RBM34: variants seen among roughly 807,000 people sequenced by gnomAD.
RBM34 encodes RNA binding motif protein 34, also known as RNA-binding protein 34.
Under a neutral mutation model 44.6 loss-of-function variants are expected in RBM34, and 39 were observed. The observed-to-expected ratio is 0.87, with a 90% CI of 0.68 to 1.14. The LOEUF is 1.14. Ranked by LOEUF, RBM34 falls within the 50% of genes most tolerant of loss-of-function variation. RBM34 has a pLI of 0.00. For synonymous variants in RBM34, 194 were observed against 184.0 expected, an observed-to-expected ratio of 1.05 and a Z score of -0.44; for missense variants, 572 against 517.9, an observed-to-expected ratio of 1.10 and a Z score of -1.01.
rs1307667292 is a variant in RBM34, at chr1:235,160,990, C to G, written c.131G>C (p.Arg44Pro). ...RLGQVASSLF[R>P]GEHHSRGGTG... ...GCCACCTCTGGAATGGTGTTCGCCGCGAAATAAGCTACTGGCGACCTGTCC... is the reference window on the plus strand; with the variant it reads ...GCCACCTCTGGAATGGTGTTCGCCGGGAAATAAGCTACTGGCGACCTGTCC... Residue 44 changes from arginine to proline, a missense_variant, in exon 2 of 11, where the codon CGC (arginine) becomes CCC (proline). Transcript: ENST00000408888. 6.2e-7 allele frequency: 1 copy of G among 1,613,992 alleles called. No individual in the cohort carries two copies. The highest frequency in any genetic ancestry group is 8.5e-7 in the Non-Finnish European group (1 of 1,180,052).
At chr1:235,157,582 T>C (rs2102864868) in intron 3 of RBM34, among the ~76,000 whole-genome samples, 2 of 151,368 alleles carry the variant, frequency 1.3e-5, no homozygotes, top group Middle Eastern at 3.4e-3. Context: ...GAGATCACGG[T>C]GGGCACAAGA....
chr1:235,160,642 G>T lies in RBM34; in HGVS notation c.234C>A (p.Thr78=). The change falls in exon 3 of 11, where the codon ACC becomes ACA. Residue 78 remains threonine, a synonymous_variant. Transcript: ENST00000408888. ...CCTCATTCCGTTTCGTTTTTTTGAT[G>T]GTTTGCTTTTTAAAAGTTTGAAGTT... The part of the protein sequence containing the change: ...QPVYVPVPKQ[T]IKKTKRNEEE... The T allele has an allele frequency of 6.2e-7, 1 of 1,609,752 alleles. No individual in the cohort carries two copies. The highest frequency in any genetic ancestry group is 1.7e-5 in the Admixed American group (1 of 59,044).
At chr1:235,132,747 G>T (rs1474085453) in intron 10 of RBM34, among the ~76,000 whole-genome samples, 2 of 152,136 alleles carry the variant, frequency 1.3e-5, no homozygotes, top group Admixed American at 6.6e-5. Flanking sequence ...GTTCCATTTA[G>T]ATCCAAAATT....
At chr1:235,151,201 T>C (rs1483825117) in intron 5 of RBM34, among the ~76,000 whole-genome samples, 3 of 152,130 alleles carry the variant, frequency 2.0e-5, no homozygotes, top group Non-Finnish European at 4.4e-5. Context: ...TGGCAAACAC[T>C]AGCATGGGTG....
chr1:235,131,812 A>G lies in RBM34; in HGVS notation c.1194T>C (p.Pro398=). 6.2e-7 allele frequency: 1 copy of G among 1,614,132 alleles called. No individual in the cohort carries two copies. The highest frequency in any genetic ancestry group is 1.1e-5 in the South Asian group (1 of 91,084). The part of the protein sequence containing the change: ...NFTSKTAEGH[P]KSLFIGEKAV... Reference sequence around the variant, plus strand: ...CTTTTTCTCCAATAAATAAGCTTTTAGGATGTCCTTCTGCAGTTTTGGAAG... The same window carrying G: ...CTTTTTCTCCAATAAATAAGCTTTTGGGATGTCCTTCTGCAGTTTTGGAAG... Residue 398 remains proline, a synonymous_variant, in exon 11 of 11, where the codon CCT becomes CCC. Coordinates refer to ENST00000408888, the MANE Select transcript of RBM34 (RefSeq NM_015014.4).
At chr1:235,159,847 CAA>C (rs1037169087) in intron 3 of RBM34, among the ~76,000 whole-genome samples, 4 of 121,096 alleles carry the variant, frequency 3.3e-5, no homozygotes, top group African/African-American at 1.3e-4. Context: ...CCAGTCTGGA[CAA>C]AAAGAGCAAA....
At chr1:235,160,795 C>A (rs531795835) in intron 2 of RBM34, 98 bp downstream of exon 2, 4 of 1,531,022 alleles carry the variant, frequency 2.6e-6, no homozygotes, top group Admixed American at 1.9e-5. Flanking sequence ...ATCCTGTCTG[C>A]CCCCTTTAGA....
chr1:235,155,166 G>C lies in RBM34; in HGVS notation c.366-54C>G, dbSNP rs182179816. The stretch of plus-strand genomic sequence containing the variant: ...GTAAGAGTCATGCCAGTTAGGTCTA[G>C]TATTTGACAAAGCACAGCCCTACCC... On this transcript the variant is annotated intron_variant, in intron 3 of 10. Coordinates refer to ENST00000408888, the MANE Select transcript of RBM34 (RefSeq NM_015014.4). 2.1e-4 allele frequency: 304 copies of C among 1,431,016 alleles called. 3 individuals are homozygous for C. The East Asian group carries it at 6.5e-3, about 30-fold the overall frequency. 88.6% of individuals were successfully genotyped at this position (1,431,016 alleles called of 1,614,324 possible).
intron 3 of RBM34, among the ~76,000 whole-genome samples, chr1:235,157,676 A>G (rs1662508708): frequency 6.6e-6 from 1 of 152,234 alleles, no homozygotes; most frequent in Non-Finnish European, 1.5e-5. Context: ...ACATTTAAAG[A>G]GTAGTCAGAG....
At chr1:235,160,869 C>A (rs367587529) in intron 2 of RBM34, 24 bp downstream of exon 2, 3 of 1,610,528 alleles carry the variant, frequency 1.9e-6, no homozygotes, top group Non-Finnish European at 2.5e-6. Context: ...ACGAGCTATT[C>A]GGGAAGAAAG....
chr1:235,131,517 AAAC>A lies in RBM34; in HGVS notation c.*193_*195del, dbSNP rs1661194922. 3.2e-6 allele frequency: 2 copies of A among 619,696 alleles called. No homozygotes were observed. The highest frequency in any genetic ancestry group is 1.9e-5 in the African/African-American group (1 of 53,652). The allele number at this position is 619,696 out of a possible 1,614,324, so 38.4% of individuals were successfully genotyped here. ...CAGCCAAACTCCATCTCAAAAAACA[AAAC>A]AAAAACAAAAAAACCTTCAAAGGTA... On this transcript the variant is annotated 3_prime_UTR_variant, in exon 11 of 11. Transcript: ENST00000408888.
chr1:235,160,907 C>A lies in RBM34; in HGVS notation c.214G>T (p.Val72Leu). ...CAGTGACTTACTTTAGGCACAGGCA[C>A]GTACACGGGTTGAATCTGGGGCTCC... The part of the protein sequence containing the change: ...SLEPQIQPVY[V>L]PVPKQTIKKT... The change falls in exon 2 of 11, where the codon GTG becomes TTG. Residue 72 changes from valine to leucine, a missense_variant. Physicochemically the swap from Val to Leu is conservative, Grantham distance 32 (BLOSUM62 1). Transcript: ENST00000408888. 6.2e-7 allele frequency: 1 copy of A among 1,614,054 alleles called. No individual in the cohort carries two copies. The highest frequency in any genetic ancestry group is 8.5e-7 in the Non-Finnish European group (1 of 1,179,986).
chr1:235,131,854 C>A lies in RBM34; in HGVS notation c.1152G>T (p.Lys384Asn). 1.9e-6 allele frequency: 3 copies of A among 1,614,112 alleles called. No individual in the cohort carries two copies. The highest frequency in any genetic ancestry group is 2.5e-6 in the Non-Finnish European group (3 of 1,180,010). ...TTTTGGAAGTAAAATTAAGTCCCTG[C>A]TTAGGTTTACTGACATTCTTCAATC... ...NPRLKNVSKPKQGLNFTSKTA... is the reference protein window; with the variant it reads ...NPRLKNVSKPNQGLNFTSKTA... The change falls in exon 11 of 11, where the codon AAG becomes AAT. Residue 384 changes from lysine (K) to asparagine (N), a missense_variant. Lys to Asn is a moderately conservative substitution (Grantham distance 94). Transcript: ENST00000408888.
At chr1:235,151,816 T>C (rs895378980) in intron 5 of RBM34, among the ~76,000 whole-genome samples, 1 of 152,132 alleles carries the variant, frequency 6.6e-6, no homozygotes, top group African/African-American at 2.4e-5. Flanking sequence ...GCGAATCACC[T>C]GAGGTCACGA....
At chr1:235,148,522 T>C in intron 5 of RBM34, 75 bp from the exon 6 acceptor site, 1 of 1,141,572 alleles carries the variant, frequency 8.8e-7, no homozygotes, top group South Asian at 1.5e-5. Context: ...AAGTGAAGTC[T>C]AAGTATCTAA....
rs375476530 is a variant in RBM34 at position 235,154,904 on chromosome 1, A to G, written c.574T>C (p.Leu192=). ...ACCTTCTTATTACATGTAACAGGCAAATTCCCAACAAACACAGTTCTCTCA... is the reference window on the plus strand; with the variant it reads ...ACCTTCTTATTACATGTAACAGGCAGATTCCCAACAAACACAGTTCTCTCA... ...KNERTVFVGN[L]PVTCNKKKLK... The change falls in exon 4 of 11, where the codon TTG becomes CTG. Residue 192 remains leucine (L), a synonymous_variant. Coordinates refer to ENST00000408888, the MANE Select transcript of RBM34 (RefSeq NM_015014.4). 3.1e-6 allele frequency: 5 copies of G among 1,613,682 alleles called. No homozygotes were observed. The African/African-American group carries it at 6.7e-5, about 22-fold the overall frequency.
intron 6 of RBM34, among the ~76,000 whole-genome samples, chr1:235,141,902 G>A (rs67736021): frequency 0.25 from 38,487 of 152,102 alleles, 6,012 homozygotes; most frequent in South Asian, 0.52. Context: ...CACCTTAAGA[G>A]CTGTAACACT....
chr1:235,139,640 T>C (rs1324072122), intron 6 of RBM34, among the ~76,000 whole-genome samples: 2 of 151,802 alleles, frequency 1.3e-5, no homozygotes, highest in Non-Finnish European at 2.9e-5. Context: ...CCACCTAGAA[T>C]GTAAAAAGCC....
chr1:235,150,494 A>AT (rs1662110924), intron 5 of RBM34, among the ~76,000 whole-genome samples: 1 of 152,194 alleles, frequency 6.6e-6, no homozygotes. Context: ...AAGAAGGGAC[A>AT]TTTTTAGCCA....
Sources: allele counts gnomAD v4.1 joint callset (sites outside exome capture counted in the v4.1 genomes callset), GRCh38; gene constraint gnomAD v4.1.1; transcripts MANE v1.5; gene names NCBI Gene and HGNC (gene_info 2026-07-23, HGNC 2026-07-21).